The following TMEM167A variants were observed in gnomAD, a reference collection of about 807,000 sequenced individuals.
The protein encoded by TMEM167A is transmembrane protein 167A.
A neutral mutation model predicts 11.6 loss-of-function variants in TMEM167A; 8 were observed. That is an observed-to-expected ratio of 0.69 (90% confidence interval 0.40 to 1.24). TMEM167A has a LOEUF of 1.24. Ranked by LOEUF, TMEM167A falls within the 50% of genes most tolerant of loss-of-function variation. TMEM167A has a pLI of 0.01. For synonymous variants in TMEM167A, 22 were observed against 28.0 expected, an observed-to-expected ratio of 0.79 and a Z score of 0.67; for missense variants, 62 against 87.0, an observed-to-expected ratio of 0.71 and a Z score of 1.14.
intron 1 of TMEM167A, among the ~76,000 whole-genome samples, chr5:83,066,233 C>T (rs1270656157): frequency 6.6e-6 from 1 of 152,092 alleles, no homozygotes; most frequent in Non-Finnish European, 1.5e-5. Context: ...GTCAATCTCA[C>T]ACAACAGCCA....
chr5:83,071,785 T>C (rs1370608648), intron 1 of TMEM167A, among the ~76,000 whole-genome samples: 1 of 151,428 alleles, frequency 6.6e-6, no homozygotes, highest in Non-Finnish European at 1.5e-5. Flanking sequence ...TCAGGCTTGA[T>C]TAATATTTAG....
chr5:83,065,806 C>T (rs1172679012), intron 1 of TMEM167A, among the ~76,000 whole-genome samples: 3 of 152,040 alleles, frequency 2.0e-5, no homozygotes, highest in Non-Finnish European at 2.9e-5. Flanking sequence ...AAATTTAACA[C>T]AAGAGTCATA....
At chr5:83,066,435 G>A (rs971763028) in intron 1 of TMEM167A, among the ~76,000 whole-genome samples, 12 of 152,108 alleles carry the variant, frequency 7.9e-5, no homozygotes, top group African/African-American at 2.9e-4. Context: ...TGAGTAAGGT[G>A]GCTGGGTACA....
chr5:83,068,076 A>G (rs539635362), intron 1 of TMEM167A, among the ~76,000 whole-genome samples: 1 of 152,336 alleles, frequency 6.6e-6, no homozygotes, highest in African/African-American at 2.4e-5. Context: ...TTGTAGATAA[A>G]AAGCATGGTA....
chr5:83,064,230 C>T (rs1744447187), intron 2 of TMEM167A: 1 of 518,294 alleles, frequency 1.9e-6, no homozygotes, highest in Non-Finnish European at 3.9e-6. Context: ...TACTACCACT[C>T]AACCTTTACT....
chr5:83,064,255 C>A, intron 2 of TMEM167A: 1 of 518,516 alleles, frequency 1.9e-6, no homozygotes, highest in Non-Finnish European at 3.9e-6. Context: ...GGTTGGCAGC[C>A]CTGAGAACTC....
Position 83,061,930 on chromosome 5 carries a change from G to GA in TMEM167A, c.114-20dup, listed in dbSNP as rs769300701. 6 of 1,602,878 alleles carry GA rather than the reference G, an allele frequency of 3.7e-6. No homozygotes were observed. The highest frequency in any genetic ancestry group is 3.4e-5 in the Admixed American group (2 of 59,454). ...CAACAATCTGCATAGAATAAAAAAA[G>GA]AAAAAAAGTAGCTATTGATTACTCG... is the stretch of plus-strand genomic sequence containing the variant. On this transcript the variant is annotated intron_variant, in intron 2 of 3. Transcript: ENST00000502346.
At chr5:83,066,813 G>A (rs574896587) in intron 1 of TMEM167A, among the ~76,000 whole-genome samples, 2 of 152,036 alleles carry the variant, frequency 1.3e-5, no homozygotes, top group Non-Finnish European at 2.9e-5. Flanking sequence ...TCTCATTAGT[G>A]AGATCTCACA....
chr5:83,074,687 C>A (rs1744612477), intron 1 of TMEM167A, among the ~76,000 whole-genome samples: 1 of 152,148 alleles, frequency 6.6e-6, no homozygotes, highest in Non-Finnish European at 1.5e-5. Flanking sequence ...ACATAGCAGA[C>A]AACAGATGGA....
chr5:83,073,063 A>G (rs930472174), intron 1 of TMEM167A, among the ~76,000 whole-genome samples: 3 of 152,312 alleles, frequency 2.0e-5, no homozygotes, highest in Admixed American at 6.5e-5. Flanking sequence ...TTTTTGTGCA[A>G]TTAATGGTAT....
At chr5:83,057,272 G>A in intron 3 of TMEM167A, 118 bp from the exon 4 acceptor site, 5 of 833,888 alleles carry the variant, frequency 6.0e-6, no homozygotes, top group Non-Finnish European at 9.7e-6. Context: ...CGCACATTGG[G>A]GGTGGGGCAG....
chr5:83,074,730 T>C (rs1188041509), intron 1 of TMEM167A, among the ~76,000 whole-genome samples: 1 of 152,090 alleles, frequency 6.6e-6, no homozygotes, highest in East Asian at 1.9e-4. Flanking sequence ...CCCACTGGAC[T>C]GTGAAATCCT....
rs899011363 is a variant in TMEM167A at position 83,053,474 on chromosome 5, T to A, written c.*3610A>T. The A allele has an allele frequency of 1.5e-4, 23 of 152,010 alleles. No homozygotes were observed. Among genetic ancestry groups the A allele is most frequent in the African/African-American group, 5.6e-4 (23 of 41,422 alleles). The allele number at this position is 152,010 out of a possible 1,614,324, so 9.4% of individuals were successfully genotyped here. ...AGTCTTCGGAAAGTATACTACTGTA[T>A]TCCTAGTCCAAAATAAGGTAGGCAT... On this transcript the variant is annotated 3_prime_UTR_variant, in exon 4 of 4. Coordinates refer to ENST00000502346, the MANE Select transcript of TMEM167A (RefSeq NM_174909.5).
intron 1 of TMEM167A, 112 bp from the exon 2 acceptor site, chr5:83,065,229 C>G (rs921717400): frequency 3.0e-6 from 2 of 666,480 alleles, no homozygotes; most frequent in African/African-American, 3.7e-5. Flanking sequence ...AGAAGGCAAG[C>G]AGAATGACAA....
At chr5:83,073,935 G>C (rs2112250453) in intron 1 of TMEM167A, among the ~76,000 whole-genome samples, 1 of 152,192 alleles carries the variant, frequency 6.6e-6, no homozygotes, top group African/African-American at 2.4e-5. Context: ...TTCAATCATT[G>C]TATACCTGAA....
chr5:83,064,256 C>G (rs1448398856), intron 2 of TMEM167A: 6 of 518,514 alleles, frequency 1.2e-5, no homozygotes, highest in African/African-American at 1.2e-4. Context: ...GTTGGCAGCC[C>G]TGAGAACTCC....
rs374281675 is a variant in TMEM167A at position 83,059,313 on chromosome 5, T to C, written c.149-2159A>G. On this transcript the variant is annotated intron_variant, in intron 3 of 3. Transcript: ENST00000502346. ...CAATAATTGTGAACAAAGGGGCTGT[T>C]TGGGCTGGCTACTAAATGGAACTGT... 1.9e-4 allele frequency among the ~76,000 whole-genome samples: 29 copies of C among 152,178 alleles called. No individual in the cohort carries two copies. The East Asian group carries it at 2.1e-3, about 11-fold the overall frequency.
chr5:83,070,010 T>C (rs918464972), intron 1 of TMEM167A, among the ~76,000 whole-genome samples: 2 of 152,120 alleles, frequency 1.3e-5, no homozygotes, highest in African/African-American at 2.4e-5. Flanking sequence ...GAAAATCAAG[T>C]AGAAAGATGC....
chr5:83,061,984 A>G, intron 2 of TMEM167A, 73 bp from the exon 3 acceptor site: 1 of 1,215,204 alleles, frequency 8.2e-7, no homozygotes, highest in Admixed American at 1.8e-5. Context: ...TTGATATCAT[A>G]TAGGGAATTA....
Sources: gnomAD v4.1 joint callset for allele counts (sites outside exome capture counted in the v4.1 genomes callset) on GRCh38, gnomAD v4.1.1 for gene constraint, MANE v1.5 for transcripts, NCBI Gene and HGNC (gene_info 2026-07-23, HGNC 2026-07-21) for gene names.